Variants in FBXW4 observed in about 807,000 individuals in gnomAD.
FBXW4 encodes the protein F-box/WD repeat-containing protein 4.
In FBXW4, 40 loss-of-function variants were observed where a neutral mutation model predicts 61.8. That is an observed-to-expected ratio of 0.65 (90% CI 0.50 to 0.84). FBXW4 has a LOEUF of 0.84. Among genes scored for constraint, FBXW4 ranks in the 40% least tolerant of loss-of-function variants. The pLI is 0.00. For synonymous variants in FBXW4, 311 were observed against 313.8 expected (o/e 0.99, Z 0.10); for missense variants, 672 against 753.8 (o/e 0.89, Z 1.27).
chr10:101,611,043 C>A lies in FBXW4; in HGVS notation c.*248G>T. On this transcript the variant is annotated 3_prime_UTR_variant, in exon 9 of 9. Coordinates refer to ENST00000331272, the MANE Select transcript of FBXW4 (RefSeq NM_022039.4). The surrounding 1 kb of genome is among the most constrained non-coding windows in gnomAD (Gnocchi z 4.9). ...CTCTGGCCAAACAGGGACGCAAGGC[C>A]CGGGTTCAGCCGCACTCTAAAGCAG... 4.8e-6 allele frequency: 2 copies of A among 417,138 alleles called. No homozygotes were observed. The highest frequency in any genetic ancestry group is 5.9e-5 in the South Asian group (2 of 33,872). The allele number at this position is 417,138 out of a possible 1,614,324, so 25.8% of individuals were successfully genotyped here.
chr10:101,665,116 A>G (rs1414104262), intron 5 of FBXW4, among the ~76,000 whole-genome samples: 1 of 152,118 alleles, frequency 6.6e-6, no homozygotes, highest in African/African-American at 2.4e-5. Context: ...GAAAGGTTCA[A>G]ATTCAAGGTC....
intron 5 of FBXW4, among the ~76,000 whole-genome samples, chr10:101,657,325 C>T (rs571854504): frequency 7.2e-5 from 11 of 152,210 alleles, no homozygotes; most frequent in African/African-American, 2.2e-4. Context: ...AGAAATAAAA[C>T]GCCTACTTCC....
At chr10:101,652,832 G>T (rs1328725963) in intron 5 of FBXW4, among the ~76,000 whole-genome samples, 2 of 152,178 alleles carry the variant, frequency 1.3e-5, no homozygotes, top group African/African-American at 4.8e-5. Flanking sequence ...ACTCTGGCTG[G>T]CTGATCTACT....
rs373454801 is a variant in FBXW4, at chr10:101,611,672, C to G, written c.1540G>C (p.Gly514Arg). 8 of 1,614,068 alleles carry G rather than the reference C, an allele frequency of 5.0e-6. No homozygotes were observed. Among genetic ancestry groups the G allele is most frequent in the East Asian group, 2.2e-5 (1 of 44,884 alleles). ...CGCCGGTCCCACAGCCGTACAACAC[C>G]GTAGTAGGAGGAACCTGTGGCCAGC... ...HLLATGSSYY[G>R]VVRLWDRRQR... Residue 514 changes from glycine to arginine, a missense_variant, in exon 8 of 9, where the codon GGT becomes CGT. Gly to Arg is a moderately radical substitution (Grantham distance 125). This residue lies in a region of FBXW4 where 312 missense variants were observed against 370.1 expected (regional missense o/e 0.84). Coordinates refer to ENST00000331272, the MANE Select transcript of FBXW4 (RefSeq NM_022039.4). The surrounding 1 kb of genome is among the most constrained non-coding windows in gnomAD (Gnocchi z 4.9).
intron 5 of FBXW4, among the ~76,000 whole-genome samples, chr10:101,630,503 C>G (rs1564906826): frequency 6.6e-6 from 1 of 152,186 alleles, no homozygotes; most frequent in African/African-American, 2.4e-5. Context: ...GTCATTAGAA[C>G]ATGTCAGGTC....
At chr10:101,691,674 T>C (rs2064605429) in intron 1 of FBXW4, among the ~76,000 whole-genome samples, 1 of 152,202 alleles carries the variant, frequency 6.6e-6, no homozygotes, top group South Asian at 2.1e-4. Context: ...ACTCAATCTC[T>C]ATATGAAGAG....
chr10:101,625,034 G>C, intron 5 of FBXW4: 1 of 598,418 alleles, frequency 1.7e-6, no homozygotes. Flanking sequence ...CACGAGCTCA[G>C]CCACAGCTGG....
At chr10:101,648,875 C>T (rs536697747) in intron 5 of FBXW4, among the ~76,000 whole-genome samples, 2 of 152,186 alleles carry the variant, frequency 1.3e-5, no homozygotes, top group Non-Finnish European at 2.9e-5. Context: ...AGGTTCCCAT[C>T]CCCACCAGAG....
intron 6 of FBXW4, among the ~76,000 whole-genome samples, chr10:101,617,380 C>G (rs2063833814): frequency 6.6e-6 from 1 of 152,216 alleles, no homozygotes; most frequent in South Asian, 2.1e-4. Flanking sequence ...CCAGCCCTTT[C>G]CAGCTCTTTG....
intron 1 of FBXW4, among the ~76,000 whole-genome samples, chr10:101,686,568 G>A (rs1176573511): frequency 6.6e-6 from 1 of 151,066 alleles, no homozygotes; most frequent in Non-Finnish European, 1.5e-5. Flanking sequence ...GGTAGACTTT[G>A]TTCTCATACC....
intron 6 of FBXW4, among the ~76,000 whole-genome samples, chr10:101,617,618 G>T (rs2063835818): frequency 6.6e-6 from 1 of 152,218 alleles, no homozygotes; most frequent in African/African-American, 2.4e-5. Flanking sequence ...CATGTGTTCA[G>T]ACACAATGGC....
intron 6 of FBXW4, among the ~76,000 whole-genome samples, chr10:101,622,451 G>T (rs2063873837): frequency 6.6e-6 from 1 of 152,134 alleles, no homozygotes; most frequent in Non-Finnish European, 1.5e-5. Context: ...CAAGCAGCCG[G>T]GTGCGGTGGC....
At chr10:101,676,126 TAAAA>T (rs918210600) in intron 2 of FBXW4, among the ~76,000 whole-genome samples, 16 of 152,116 alleles carry the variant, frequency 1.1e-4, no homozygotes, top group Non-Finnish European at 2.1e-4. Flanking sequence ...TTTATAATCA[TAAAA>T]AAAGTCATTT....
At chr10:101,653,362 T>C (rs561823119) in intron 5 of FBXW4, among the ~76,000 whole-genome samples, 2 of 152,240 alleles carry the variant, frequency 1.3e-5, no homozygotes, top group South Asian at 4.2e-4. Context: ...CGGTCCAAAG[T>C]TCCCTATTTT....
chr10:101,635,347 A>G (rs1444318919), intron 5 of FBXW4, among the ~76,000 whole-genome samples: 1 of 151,954 alleles, frequency 6.6e-6, no homozygotes, highest in Non-Finnish European at 1.5e-5. Flanking sequence ...ATATATTACA[A>G]TATAATAATA....
intron 6 of FBXW4, among the ~76,000 whole-genome samples, chr10:101,619,693 G>A (rs945877895): frequency 2.0e-5 from 3 of 151,882 alleles, no homozygotes; most frequent in Non-Finnish European, 4.4e-5. Context: ...GGGGGAAGGG[G>A]ACAGCCAAGC....
intron 5 of FBXW4, among the ~76,000 whole-genome samples, chr10:101,663,598 T>C (rs1452347103): frequency 2.0e-5 from 3 of 151,532 alleles, no homozygotes; most frequent in African/African-American, 7.3e-5. Flanking sequence ...TCAAGTGATA[T>C]ATAATTGTGC....
chr10:101,678,712 G>A (rs1053657573), intron 1 of FBXW4, among the ~76,000 whole-genome samples: 6 of 152,318 alleles, frequency 3.9e-5, no homozygotes, highest in African/African-American at 1.4e-4. Context: ...ACAGGCATGA[G>A]CCACCGCGCC....
Position 101,695,004 on chromosome 10 carries a change from C to G in FBXW4, c.102G>C (p.Gly34=). 1 of 1,100,668 alleles carries G rather than the reference C, an allele frequency of 9.1e-7. No homozygotes were observed. Among genetic ancestry groups the G allele is most frequent in the East Asian group, 5.0e-5 (1 of 19,854 alleles). 68.2% of individuals were successfully genotyped at this position (1,100,668 alleles called of 1,614,324 possible). Reference sequence around the variant, plus strand: ...CCTTCCCCTTCCCCTTCCTTCGCTTCCCCCTCGCCACCCTCCCTTCCTGCA... The same window carrying G: ...CCTTCCCCTTCCCCTTCCTTCGCTTGCCCCTCGCCACCCTCCCTTCCTGCA... The part of the protein sequence containing the change: ...RKLQEGRVAR[G]KRRKGKGKGK... Residue 34 remains glycine, a synonymous_variant, in exon 1 of 9, where the codon GGG becomes GGC. Transcript: ENST00000331272. The surrounding 1 kb of genome is among the most constrained non-coding windows in gnomAD (Gnocchi z 4.2).
Sources: allele counts gnomAD v4.1 joint callset (sites outside exome capture counted in the v4.1 genomes callset), GRCh38; gene constraint gnomAD v4.1.1; regional missense constraint gnomAD v4.1.1; non-coding constraint Gnocchi (gnomAD v3.1); transcripts MANE v1.5; gene names NCBI Gene and HGNC (gene_info 2026-07-23, HGNC 2026-07-21).